Variants in C19orf33 observed in about 807,000 individuals in gnomAD.
C19orf33 encodes chromosome 19 open reading frame 33, also known as immortalization up-regulated protein.
In C19orf33, 9 loss-of-function variants were observed where a neutral mutation model predicts 9.7. The ratio of observed to expected loss-of-function variants is 0.93; its 90% CI spans 0.56 to 1.61. C19orf33 has a LOEUF of 1.61. C19orf33 is among the 40% of genes most tolerant of loss of function. The pLI is 0.00. For synonymous variants in C19orf33, 61 were observed against 54.8 expected (o/e 1.11, Z -0.50); for missense variants, 145 against 137.9 (o/e 1.05, Z -0.26).
intron 2 of C19orf33, 24 bp downstream of exon 2, chr19:38,304,514 C>A (rs1342822939): frequency 6.4e-7 from 1 of 1,562,398 alleles, no homozygotes; most frequent in African/African-American, 1.4e-5. Flanking sequence ...TCACCGGCTG[C>A]GGAGGGGCGG....
chr19:38,304,615 T>A lies in C19orf33; in HGVS notation c.139-9T>A. 6.2e-7 allele frequency: 1 copy of A among 1,613,236 alleles called. No homozygotes were observed. The highest frequency in any genetic ancestry group is 1.3e-5 in the African/African-American group (1 of 74,988). ...AGGGGCGCCGCCTCACTGCCGCACC[T>A]CCATCCAGCAAGGACACCACAGCTC... On this transcript the variant is annotated splice_polypyrimidine_tract_variant and intron_variant, in intron 2 of 3. Coordinates refer to ENST00000301246, the MANE Select transcript of C19orf33 (RefSeq NM_033520.3).
At position 38,304,951 on chromosome 19, in the gene C19orf33, A is replaced by C. The variant is rs757944166; in HGVS notation, c.308A>C (p.Glu103Ala). 3 of 1,608,764 alleles carry C rather than the reference A, an allele frequency of 1.9e-6. No homozygotes were observed. The highest frequency in any genetic ancestry group is 1.7e-6 in the Non-Finnish European group (2 of 1,177,994). Residue 103 changes from glutamate (E) to alanine (A), a missense_variant, in exon 4 of 4, where the codon GAG (glutamate) becomes GCG (alanine). Glu to Ala is a moderately radical substitution (Grantham distance 107, BLOSUM62 -1). Coordinates refer to ENST00000301246, the MANE Select transcript of C19orf33 (RefSeq NM_033520.3). ...KGKKEKGKKK[E>A]APH ...AAGAAGGAGAAGGGCAAGAAGAAGG[A>C]GGCTCCCCACTGAAGGGCCCTGGAC... is the stretch of plus-strand genomic sequence containing the variant.
chr19:38,304,682 T>G lies in C19orf33; in HGVS notation c.197T>G (p.Val66Gly). 6.2e-7 allele frequency: 1 copy of G among 1,613,576 alleles called. No homozygotes were observed. Among genetic ancestry groups the G allele is most frequent in the Non-Finnish European group, 8.5e-7 (1 of 1,179,966 alleles). The change falls in exon 3 of 4, where the codon GTG becomes GGG. Residue 66 changes from valine to glycine, a missense_variant. Coordinates refer to ENST00000301246, the MANE Select transcript of C19orf33 (RefSeq NM_033520.3). ...SSSSSDSDTD[V>G]KSHAAGSKQH... ...AGCTCCAGCGATTCGGACACGGATG[T>G]GAAGGTAAGGGGCTCTCGCCAGCGT...
chr19:38,304,727 A>G, intron 3 of C19orf33, 41 bp downstream of exon 3: 6 of 1,613,056 alleles, frequency 3.7e-6, no homozygotes, highest in African/African-American at 1.3e-5. Context: ...CGTGCCCTGC[A>G]CCCCAGAGAG....
intron 2 of C19orf33, 24 bp downstream of exon 2, chr19:38,304,514 C>T (rs1342822939): frequency 1.3e-6 from 2 of 1,562,398 alleles, no homozygotes; most frequent in Non-Finnish European, 1.7e-6. Flanking sequence ...TCACCGGCTG[C>T]GGAGGGGCGG....
Position 38,304,757 on chromosome 19 carries a change from GGCGGGGAGGGT to G in C19orf33, c.202-79_202-69del, listed in dbSNP as rs753027255. ...AGAGAGGCGTCCCCGCACTGGGGCT[GGCGGGGAGGGT>G]GCGGGGAGTGGTCCCCCTGTCTCGC... On this transcript the variant is annotated intron_variant, in intron 3 of 3. Coordinates refer to ENST00000301246, the MANE Select transcript of C19orf33 (RefSeq NM_033520.3). The G allele has an allele frequency of 6.2e-6, 10 of 1,611,210 alleles. No homozygotes were observed. In the South Asian group the frequency reaches 6.6e-5, roughly 11 times the overall value.
intron 2 of C19orf33, 51 bp downstream of exon 2, chr19:38,304,541 C>T: frequency 6.3e-7 from 1 of 1,585,310 alleles, no homozygotes; most frequent in Non-Finnish European, 8.6e-7. Context: ...TGGGGTTGCC[C>T]CTGACCCCAG....
chr19:38,304,672 G>A lies in C19orf33; in HGVS notation c.187G>A (p.Asp63Asn), dbSNP rs1276586239. Reference protein sequence around the residue: ...SDSSSSSSDSDTDVKSHAAGS... With the variant: ...SDSSSSSSDSNTDVKSHAAGS... Reference sequence around the variant, plus strand: ...CTCCAGCAGCAGCTCCAGCGATTCGGACACGGATGTGAAGGTAAGGGGCTC... The same window carrying A: ...CTCCAGCAGCAGCTCCAGCGATTCGAACACGGATGTGAAGGTAAGGGGCTC... The change falls in exon 3 of 4, where the codon GAC becomes AAC. Residue 63 changes from aspartate to asparagine, a missense_variant. Coordinates refer to ENST00000301246, the MANE Select transcript of C19orf33 (RefSeq NM_033520.3). The A allele has an allele frequency of 6.2e-7, 1 of 1,613,554 alleles. No individual in the cohort carries two copies. The highest frequency in any genetic ancestry group is 8.5e-7 in the Non-Finnish European group (1 of 1,179,996).
Position 38,304,758 on chromosome 19 carries a change from G to A in C19orf33, c.201+72G>A. On this transcript the variant is annotated intron_variant, in intron 3 of 3. Coordinates refer to ENST00000301246, the MANE Select transcript of C19orf33 (RefSeq NM_033520.3). ...GAGAGGCGTCCCCGCACTGGGGCTG[G>A]CGGGGAGGGTGCGGGGAGTGGTCCC... is the stretch of plus-strand genomic sequence containing the variant. 8.1e-6 allele frequency: 13 copies of A among 1,611,984 alleles called. No individual in the cohort carries two copies. In the South Asian group the frequency reaches 1.1e-4, roughly 14 times the overall value.
In C19orf33 at chr19:38,304,739, C is replaced by T. The variant is rs748888832; in HGVS notation, c.201+53C>T. 3.1e-6 allele frequency: 5 copies of T among 1,611,450 alleles called. No individual in the cohort carries two copies. In the African/African-American group the frequency reaches 5.3e-5, roughly 17 times the overall value. The stretch of plus-strand genomic sequence containing the variant: ...GCACGTGCCCTGCACCCCAGAGAGG[C>T]GTCCCCGCACTGGGGCTGGCGGGGA... On this transcript the variant is annotated intron_variant, in intron 3 of 3. Transcript: ENST00000301246.
Position 38,304,977 on chromosome 19 carries a change from A to T in C19orf33, c.*13A>T, listed in dbSNP as rs1968937967. 1 of 1,586,654 alleles carries T rather than the reference A, an allele frequency of 6.3e-7. No homozygotes were observed. The highest frequency in any genetic ancestry group is 8.6e-7 in the Non-Finnish European group (1 of 1,167,476). Reference sequence around the variant, plus strand: ...GGCTCCCCACTGAAGGGCCCTGGACAGGGCTCATTAAACCTTCCTCTCTGC... The same window carrying T: ...GGCTCCCCACTGAAGGGCCCTGGACTGGGCTCATTAAACCTTCCTCTCTGC... On this transcript the variant is annotated 3_prime_UTR_variant, in exon 4 of 4. Transcript: ENST00000301246.
chr19:38,304,730 CCA>C (rs1262837335), intron 3 of C19orf33, 44 bp downstream of exon 3: 1 of 1,613,032 alleles, frequency 6.2e-7, no homozygotes, highest in Non-Finnish European at 8.5e-7. Flanking sequence ...GCCCTGCACC[CCA>C]GAGAGGCGTC....
chr19:38,304,540 C>T (rs1968900394), intron 2 of C19orf33, 50 bp downstream of exon 2: 6 of 1,583,986 alleles, frequency 3.8e-6, no homozygotes, highest in Non-Finnish European at 4.3e-6. Flanking sequence ...CTGGGGTTGC[C>T]CCTGACCCCA....
chr19:38,304,756 T>A, intron 3 of C19orf33, 70 bp downstream of exon 3: 2 of 1,610,550 alleles, frequency 1.2e-6, no homozygotes, highest in Non-Finnish European at 1.7e-6. Flanking sequence ...GCACTGGGGC[T>A]GGCGGGGAGG....
At position 38,304,419 on chromosome 19, in the gene C19orf33, G is replaced by T; in HGVS notation, c.67G>T (p.Gly23Trp). 1 of 1,562,676 alleles carries T rather than the reference G, an allele frequency of 6.4e-7. No individual in the cohort carries two copies. The change falls in exon 2 of 4, where the codon GGG (glycine) becomes TGG (tryptophan). Residue 23 changes from glycine (G) to tryptophan (W), a missense_variant. Physicochemically the swap from Gly to Trp is radical, Grantham distance 184. Coordinates refer to ENST00000301246, the MANE Select transcript of C19orf33 (RefSeq NM_033520.3). ...GAAGCCCGGTGTGGGGGCGGGCCAC[G>T]GGGGAGATCCCAAGCTCAGTCCCCA... ...SQKPGVGAGH[G>W]GDPKLSPHKV...
At chr19:38,304,519 G>A (rs2304177) in intron 2 of C19orf33, 29 bp downstream of exon 2, 244,935 of 1,565,810 alleles carry the variant, frequency 0.16, 20,360 homozygotes, top group Admixed American at 0.23. Context: ...GGCTGCGGAG[G>A]GGCGGGAAGG....
chr19:38,304,778 G>A, intron 3 of C19orf33, 67 bp from the exon 4 acceptor site: 1 of 1,611,952 alleles, frequency 6.2e-7, no homozygotes, highest in Non-Finnish European at 8.5e-7. Context: ...TGCGGGGAGT[G>A]GTCCCCCTGT....
Position 38,304,280 on chromosome 19 carries a change from GC to G in C19orf33, c.20del (p.Ala7GlufsTer60). 1 of 1,613,770 alleles carries G rather than the reference GC, an allele frequency of 6.2e-7. No individual in the cohort carries two copies. Among genetic ancestry groups the G allele is most frequent in the Non-Finnish European group, 8.5e-7 (1 of 1,180,036 alleles). MEFDLG[A>X]ALEPTSQKPG... ...TACCGCCATGGAGTTCGACCTGGGA[GC>G]AGGTGAGCTCCTGGGGAGTGTGGAC... On this transcript the variant is annotated frameshift_variant and splice_region_variant, in exon 1 of 4. Transcript: ENST00000301246. LOFTEE classifies it high-confidence loss of function.
At chr19:38,304,592 G>A in intron 2 of C19orf33, 32 bp from the exon 3 acceptor site, 1 of 1,612,656 alleles carries the variant, frequency 6.2e-7, no homozygotes, top group African/African-American at 1.3e-5. Context: ...GCTGGGTAAG[G>A]GGCGCCGCCT....
Sources: allele counts gnomAD v4.1 joint callset, GRCh38; gene constraint gnomAD v4.1.1; transcripts MANE v1.5; gene names NCBI Gene and HGNC (gene_info 2026-07-23, HGNC 2026-07-21).